DDX60L: variants seen among roughly 807,000 people sequenced by gnomAD.
DDX60L encodes the protein DExD/H-box 60 like.
A neutral mutation model predicts 211.6 loss-of-function variants in DDX60L; 191 were observed. The ratio of observed to expected loss-of-function variants is 0.90; its 90% CI spans 0.80 to 1.02. The LOEUF is 1.02. Ranked by LOEUF, DDX60L falls within the 50% of genes least tolerant of loss-of-function variation. The pLI, the probability that DDX60L is intolerant of heterozygous loss-of-function variation, is 0.00. For synonymous variants in DDX60L, 706 were observed against 694.1 expected, an observed-to-expected ratio of 1.02 and a Z score of -0.27; for missense variants, 2,007 against 1,984.1, an observed-to-expected ratio of 1.01 and a Z score of -0.22.
intron 9 of DDX60L, among the ~76,000 whole-genome samples, chr4:168,443,323 G>C (rs995296159): frequency 2.0e-5 from 3 of 151,948 alleles, no homozygotes; most frequent in Non-Finnish European, 4.4e-5. Context: ...GGGAAGTTTA[G>C]AGAAAAAAGA....
At position 168,419,286 on chromosome 4, in the gene DDX60L, CTAACACCAAACCTACCTCATCAAATA is replaced by C. The variant is rs1179630928; in HGVS notation, c.2600_2610+15del. 1.9e-6 allele frequency: 3 copies of C among 1,563,916 alleles called. No homozygotes were observed. The highest frequency in any genetic ancestry group is 1.8e-4 in the Middle Eastern group (1 of 5,418). ...GCAGACTAGAACATCAACCAGAGAA[CTAACACCAAACCTACCTCATCAAATA>C]TAACATATCTGATCCTTTCCACCCA... On this transcript the variant is annotated splice_donor_variant and splice_donor_5th_base_variant and coding_sequence_variant and intron_variant, in exon 19 of 38. Transcript: ENST00000682922. LOFTEE classifies it high-confidence loss of function.
intron 1 of DDX60L, among the ~76,000 whole-genome samples, chr4:168,478,496 A>C (rs1297614069): frequency 6.6e-6 from 1 of 152,242 alleles, no homozygotes; most frequent in Non-Finnish European, 1.5e-5. Context: ...ACATCAGTAA[A>C]ACAAGCAGCA....
At chr4:168,454,758 C>CT (rs767461447) in intron 7 of DDX60L, among the ~76,000 whole-genome samples, 6,319 of 88,566 alleles carry the variant, frequency 0.071, 1,223 homozygotes, top group African/African-American at 0.28. Flanking sequence ...AAACAGCTTC[C>CT]TTTTTTTTTT....
At chr4:168,379,870 A>G (rs749063737) in intron 30 of DDX60L, 40 bp from the exon 31 acceptor site, 8 of 1,436,074 alleles carry the variant, frequency 5.6e-6, no homozygotes, top group Non-Finnish European at 7.7e-6. Context: ...AGTTTTAAAC[A>G]GTATTTGTAA....
intron 10 of DDX60L, among the ~76,000 whole-genome samples, chr4:168,433,624 T>C (rs2634944): frequency 0.74 from 112,448 of 152,028 alleles, 42,896 homozygotes; most frequent in East Asian, 0.91. Context: ...CTGAATATAA[T>C]AGACTAGAGG....
Position 168,421,783 on chromosome 4 carries a change from C to T in DDX60L, c.2371G>A (p.Val791Ile), listed in dbSNP as rs775408510. ...ACCTTTGCGGGTGCAACGTACACAA[C>T]CACCCCGACATCGCTCTCCCTCAGC... ...KVLRESDVGVVVYVAPAKSLV... is the reference protein window; with the variant it reads ...KVLRESDVGVIVYVAPAKSLV... The change falls in exon 17 of 38, where the codon GTT becomes ATT. Residue 791 changes from valine (V) to isoleucine (I), a missense_variant. By Grantham distance (29) the Val-to-Ile change is conservative (BLOSUM62 3). Transcript: ENST00000682922. The T allele has an allele frequency of 6.2e-7, 1 of 1,614,154 alleles. No individual in the cohort carries two copies. Among genetic ancestry groups the T allele is most frequent in the African/African-American group, 1.3e-5 (1 of 75,042 alleles).
At position 168,466,618 on chromosome 4, in the gene DDX60L, G is replaced by A. The variant is rs148912581; in HGVS notation, c.265-4578C>T. Among the ~76,000 whole-genome samples, 172 of 152,300 alleles carry A rather than the reference G, an allele frequency of 1.1e-3. 1 individual carries two copies. The highest frequency in any genetic ancestry group is 1.8e-3 in the Non-Finnish European group (125 of 68,014). On this transcript the variant is annotated intron_variant, in intron 4 of 37. Coordinates refer to ENST00000682922, the MANE Select transcript of DDX60L (RefSeq NM_001012967.3). The stretch of plus-strand genomic sequence containing the variant: ...GATGTGAATTTCAAGTAGAGCAGTT[G>A]CTATTAAGAGTTGGTGCATGTTTCT...
intron 15 of DDX60L, among the ~76,000 whole-genome samples, chr4:168,422,999 G>GTGTGTGTGTGTGTGTGTA (rs551448406): frequency 0.024 from 3,360 of 137,528 alleles, 174 homozygotes; most frequent in African/African-American, 0.077. Flanking sequence ...GTGTGTGTGT[G>GTGTGTGTGTGTGTGTGTA]TTGTAGAGAC....
chr4:168,450,834 G>A (rs891860460), intron 8 of DDX60L, among the ~76,000 whole-genome samples: 1 of 152,158 alleles, frequency 6.6e-6, no homozygotes, highest in African/African-American at 2.4e-5. Flanking sequence ...TTGAGCCTGG[G>A]AGGTCGAGGC....
chr4:168,478,332 C>T (rs1759894473), intron 1 of DDX60L, among the ~76,000 whole-genome samples: 2 of 152,208 alleles, frequency 1.3e-5, no homozygotes, highest in African/African-American at 2.4e-5. Context: ...GAACTTAAGA[C>T]AGATTATGCT....
chr4:168,431,406 G>A (rs1360863267), intron 12 of DDX60L, among the ~76,000 whole-genome samples: 2 of 152,022 alleles, frequency 1.3e-5, no homozygotes, highest in African/African-American at 2.4e-5. Context: ...CAGAATCTTC[G>A]TAGACACTTA....
chr4:168,441,228 C>T, intron 10 of DDX60L, 109 bp downstream of exon 10: 1 of 1,073,246 alleles, frequency 9.3e-7, no homozygotes, highest in Non-Finnish European at 1.3e-6. Flanking sequence ...AACAAGAAAG[C>T]ACAGTGAAGG....
intron 26 of DDX60L, among the ~76,000 whole-genome samples, chr4:168,396,713 T>C (rs1448285040): frequency 6.6e-6 from 1 of 150,936 alleles, no homozygotes; most frequent in African/African-American, 2.4e-5. Context: ...CTGAAGAGAA[T>C]CAGTCACCGA....
At chr4:168,366,965 T>C (rs536962740) in intron 36 of DDX60L, among the ~76,000 whole-genome samples, 2 of 152,046 alleles carry the variant, frequency 1.3e-5, no homozygotes, top group East Asian at 3.9e-4. Flanking sequence ...TGCTATTATA[T>C]ATGTGTTTAA....
intron 35 of DDX60L, among the ~76,000 whole-genome samples, chr4:168,372,084 T>C (rs538496878): frequency 6.6e-6 from 1 of 152,286 alleles, no homozygotes; most frequent in African/African-American, 2.4e-5. Flanking sequence ...TTAGCAACAT[T>C]CACTAAGGAA....
chr4:168,369,496 A>AC (rs1219210340), intron 36 of DDX60L, among the ~76,000 whole-genome samples: 1 of 151,912 alleles, frequency 6.6e-6, no homozygotes, highest in East Asian at 1.9e-4. Context: ...AAAAAAAAAA[A>AC]CAGCAGAAAA....
intron 5 of DDX60L, among the ~76,000 whole-genome samples, chr4:168,459,463 G>T (rs1757012300): frequency 6.6e-6 from 1 of 151,850 alleles, no homozygotes; most frequent in African/African-American, 2.4e-5. Flanking sequence ...TGAAAATAAA[G>T]TCTAGAGGCC....
chr4:168,407,399 T>C (rs892484015), intron 22 of DDX60L, among the ~76,000 whole-genome samples: 2 of 152,220 alleles, frequency 1.3e-5, no homozygotes, highest in African/African-American at 4.8e-5. Flanking sequence ...GAACAAATCC[T>C]GTCCTCATAG....
intron 5 of DDX60L, among the ~76,000 whole-genome samples, chr4:168,458,424 T>G (rs143694179): frequency 1.3e-5 from 2 of 152,090 alleles, no homozygotes; most frequent in Non-Finnish European, 2.9e-5. Context: ...CAATCATAGA[T>G]TGGATAAAGA....
Sources: allele counts gnomAD v4.1 joint callset (sites outside exome capture counted in the v4.1 genomes callset), GRCh38; gene constraint gnomAD v4.1.1; transcripts MANE v1.5; gene names NCBI Gene and HGNC (gene_info 2026-07-23, HGNC 2026-07-21).